Variants in DELE1 observed in about 807,000 individuals in gnomAD.
DELE1 encodes the protein death ligand signal enhancer.
Under a neutral mutation model 59.3 loss-of-function variants are expected in DELE1, and 54 were observed. The observed-to-expected ratio is 0.91, with a 90% CI of 0.73 to 1.14. The LOEUF is 1.14. DELE1 is among the 50% of genes most tolerant of loss of function. DELE1 has a pLI of 0.00. For missense variants in DELE1, 636 were observed against 643.9 expected (o/e 0.99, Z 0.13); for synonymous variants, 264 against 259.1 (o/e 1.02, Z -0.18).
In DELE1 at chr5:141,941,810, ATAAG is replaced by A. The variant is rs1275754749; in HGVS notation, c.*3053_*3056del. On this transcript the variant is annotated 3_prime_UTR_variant, in exon 12 of 12. Transcript: ENST00000432126. ...TGTTCAGTAAATATACATTCAACAA[ATAAG>A]TGAGTGATTATACTCAACTCCCCCC... 5.1e-6 allele frequency: 5 copies of A among 985,290 alleles called. No homozygotes were observed. The highest frequency in any genetic ancestry group is 6.0e-6 in the Non-Finnish European group (5 of 829,946). The allele number at this position is 985,290 out of a possible 1,614,324, so 61.0% of individuals were successfully genotyped here.
At chr5:141,929,384 G>A (rs1417870720) in intron 4 of DELE1, among the ~76,000 whole-genome samples, 198 bp from the exon 5 acceptor site, 1 of 152,146 alleles carries the variant, frequency 6.6e-6, no homozygotes, top group Non-Finnish European at 1.5e-5. Context: ...GAGTAGCTGG[G>A]ATTACAGGCA....
intron 3 of DELE1, among the ~76,000 whole-genome samples, chr5:141,927,876 A>G (rs1251044216): frequency 6.6e-6 from 1 of 152,226 alleles, no homozygotes; most frequent in African/African-American, 2.4e-5. Context: ...GTACTTGGGC[A>G]CCAGAGATAC....
At position 141,928,209 on chromosome 5, in the gene DELE1, T is replaced by C; in HGVS notation, c.323T>C (p.Leu108Pro). The C allele has an allele frequency of 1.2e-6, 2 of 1,614,256 alleles. No individual in the cohort carries two copies. The highest frequency in any genetic ancestry group is 1.7e-6 in the Non-Finnish European group (2 of 1,180,038). Residue 108 changes from leucine (L) to proline (P), a missense_variant, in exon 4 of 12, where the codon CTG becomes CCG. Leu to Pro is a moderately conservative substitution (Grantham distance 98). Transcript: ENST00000432126. ...AGGCAGATCCACTTCCAGGCATCCCTGCCAGCAGGACCTCAGCGGGTAGAA... is the reference window on the plus strand; with the variant it reads ...AGGCAGATCCACTTCCAGGCATCCCCGCCAGCAGGACCTCAGCGGGTAGAA... ...LARQIHFQAS[L>P]PAGPQRVEHC...
chr5:141,935,778 A>G (rs531147541), intron 10 of DELE1, among the ~76,000 whole-genome samples: 2 of 152,232 alleles, frequency 1.3e-5, no homozygotes, highest in South Asian at 4.1e-4. Flanking sequence ...AGCAGGAGAA[A>G]TGTACAAAAG....
chr5:141,929,780 C>CGGTGGT (rs1561512468), intron 5 of DELE1, 40 bp downstream of exon 5: 1 of 1,607,638 alleles, frequency 6.2e-7, no homozygotes, highest in South Asian at 1.1e-5. Context: ...AGGCAGGGGG[C>CGGTGGT]GGTGGTGGTG....
intron 10 of DELE1, chr5:141,936,829 C>T (rs994363096): frequency 1.0e-6 from 1 of 974,374 alleles, no homozygotes; most frequent in Admixed American, 6.2e-5. Context: ...GACAACCCTC[C>T]ACCTTCGCCT....
rs759141211 is a variant in DELE1 at position 141,937,214 on chromosome 5, A to G, written c.1166A>G (p.Tyr389Cys). 2.4e-5 allele frequency: 39 copies of G among 1,614,084 alleles called. No homozygotes were observed. The highest frequency in any genetic ancestry group is 3.2e-5 in the Non-Finnish European group (38 of 1,180,044). The change falls in exon 11 of 12, where the codon TAC (tyrosine) becomes TGC (cysteine). Residue 389 changes from tyrosine (Y) to cysteine (C), a missense_variant. Transcript: ENST00000432126. ...AANNGDSQSRYHLGICYEKGL... is the reference protein window; with the variant it reads ...AANNGDSQSRCHLGICYEKGL... ...TCTCCTTAGGACTCACAGAGCAGGT[A>G]CCACCTTGGAATTTGCTATGAGAAA...
At chr5:141,933,909 C>G (rs1752143813) in intron 8 of DELE1, 1 of 186,372 alleles carries the variant, frequency 5.4e-6, no homozygotes, top group African/African-American at 2.4e-5. Flanking sequence ...GTCTCTCTCT[C>G]TCTCTGCCCC....
rs978028994 is a variant in DELE1 at position 141,926,129 on chromosome 5, C to T, written c.264+602C>T. 5.3e-5 allele frequency among the ~76,000 whole-genome samples: 8 copies of T among 152,120 alleles called. No individual in the cohort carries two copies. The East Asian group carries it at 1.2e-3, about 22-fold the overall frequency. On this transcript the variant is annotated intron_variant, in intron 3 of 11. Coordinates refer to ENST00000432126, the MANE Select transcript of DELE1 (RefSeq NM_014773.5). Reference sequence around the variant, plus strand: ...TCCTGATCTCGTGACCCACCCACCGCGGCCTCCCAAAGTGCTGGGATTACA... The same window carrying T: ...TCCTGATCTCGTGACCCACCCACCGTGGCCTCCCAAAGTGCTGGGATTACA...
At chr5:141,927,169 G>A (rs1235301847) in intron 3 of DELE1, among the ~76,000 whole-genome samples, 1 of 152,204 alleles carries the variant, frequency 6.6e-6, no homozygotes, top group Non-Finnish European at 1.5e-5. Context: ...CAGAAATTAT[G>A]TCTGTCTTAC....
chr5:141,932,356 A>G (rs897149910), intron 7 of DELE1, among the ~76,000 whole-genome samples: 4 of 152,118 alleles, frequency 2.6e-5, no homozygotes, highest in African/African-American at 9.7e-5. Flanking sequence ...ACCGCTCCCA[A>G]TTTCTTCATG....
In DELE1 at chr5:141,923,966, G is replaced by C. The variant is rs547787553; in HGVS notation, c.25G>C (p.Gly9Arg). MWRLPGLL[G>R]RALPRTLGPS... The stretch of plus-strand genomic sequence containing the variant: ...CATGTGGCGCCTCCCGGGACTCCTG[G>C]GCCGAGGTAAGGGACGTCCAAGCAA... Residue 9 changes from glycine (G) to arginine (R), a missense_variant, in exon 1 of 12, where the codon GGC becomes CGC. Physicochemically the swap from Gly to Arg is moderately radical, Grantham distance 125. Transcript: ENST00000432126. 221 of 1,610,046 alleles carry C rather than the reference G, an allele frequency of 1.4e-4. 6 individuals are homozygous for C. The highest frequency in any genetic ancestry group is 1.3e-3 in the South Asian group (117 of 90,192).
Position 141,938,673 on chromosome 5 carries a change from G to A in DELE1, c.1462G>A (p.Gly488Arg), listed in dbSNP as rs776537398. Residue 488 changes from glycine (G) to arginine (R), a missense_variant, in exon 12 of 12, where the codon GGA (glycine) becomes AGA (arginine). Physicochemically the swap from Gly to Arg is moderately radical, Grantham distance 125 (BLOSUM62 -2). Transcript: ENST00000432126. ...LGLLCRSGHLGASLEASSRAI... is the reference protein window; with the variant it reads ...LGLLCRSGHLRASLEASSRAI... The stretch of plus-strand genomic sequence containing the variant: ...CCTCCTCTGCAGAAGTGGGCATCTC[G>A]GAGCCAGCCTGGAAGCCTCCAGCAG... 1.4e-5 allele frequency: 23 copies of A among 1,613,980 alleles called. No homozygotes were observed. The highest frequency in any genetic ancestry group is 1.3e-4 in the East Asian group (6 of 44,876).
intron 4 of DELE1, 78 bp downstream of exon 4, chr5:141,928,376 A>C: frequency 1.3e-6 from 2 of 1,483,486 alleles, no homozygotes; most frequent in Non-Finnish European, 1.8e-6. Flanking sequence ...GACACACCTC[A>C]GGAAAAGAGC....
At chr5:141,929,054 T>C (rs1438243760) in intron 4 of DELE1, among the ~76,000 whole-genome samples, 1 of 152,166 alleles carries the variant, frequency 6.6e-6, no homozygotes, top group African/African-American at 2.4e-5. Flanking sequence ...AGAGGAGTGA[T>C]TGATGCTTAG....
rs1403907329 is a variant in DELE1, at chr5:141,940,448, A to G, written c.*1689A>G. 9.1e-6 allele frequency: 9 copies of G among 984,642 alleles called. No individual in the cohort carries two copies. The highest frequency in any genetic ancestry group is 1.1e-5 in the Non-Finnish European group (9 of 829,852). 61.0% of individuals were successfully genotyped at this position (984,642 alleles called of 1,614,324 possible). ...ATAGAGAGCCCACCGCCCACCCCCCACAATCCCATGACTGAGTGGAGACCA... is the reference window on the plus strand; with the variant it reads ...ATAGAGAGCCCACCGCCCACCCCCCGCAATCCCATGACTGAGTGGAGACCA... On this transcript the variant is annotated 3_prime_UTR_variant, in exon 12 of 12. Transcript: ENST00000432126.
Position 141,940,441 on chromosome 5 carries a change from ACCCC to A in DELE1, c.*1685_*1688del, listed in dbSNP as rs1554078705. ...GGGAGGGATAGAGAGCCCACCGCCCACCCCCCACAATCCCATGACTGAGTGGAGA... is the reference window on the plus strand; with the variant it reads ...GGGAGGGATAGAGAGCCCACCGCCCACCACAATCCCATGACTGAGTGGAGA... On this transcript the variant is annotated 3_prime_UTR_variant, in exon 12 of 12. Coordinates refer to ENST00000432126, the MANE Select transcript of DELE1 (RefSeq NM_014773.5). The A allele has an allele frequency of 2.8e-5, 27 of 973,154 alleles. No individual in the cohort carries two copies. The South Asian group carries it at 1.0e-3, about 38-fold the overall frequency. 60.3% of individuals were successfully genotyped at this position (973,154 alleles called of 1,614,324 possible). A position where few individuals can be genotyped will look rare whatever the true frequency, so the allele number is the denominator to read the frequency against.
intron 7 of DELE1, chr5:141,931,411 G>A (rs10040879): frequency 0.071 from 10,741 of 152,056 alleles, 419 homozygotes; most frequent in South Asian, 0.14. Flanking sequence ...AGTGAGACAG[G>A]AAGTCTTTGG....
rs894845194 is a variant in DELE1, at chr5:141,936,790, G to C, written c.1150-408G>C. 7.7e-6 allele frequency: 6 copies of C among 780,840 alleles called. No homozygotes were observed. The Admixed American group carries it at 2.5e-4, about 33-fold the overall frequency. The allele number at this position is 780,840 out of a possible 1,614,324, so 48.4% of individuals were successfully genotyped here. A position where few individuals can be genotyped will look rare whatever the true frequency, so the allele number is the denominator to read the frequency against. On this transcript the variant is annotated intron_variant, in intron 10 of 11. Coordinates refer to ENST00000432126, the MANE Select transcript of DELE1 (RefSeq NM_014773.5). ...TTTTCTGTCAGCCCTCCCAGGCAGA[G>C]ATTCAGGAAGGCACAGGGCCTTTGG...
Sources: allele counts gnomAD v4.1 joint callset (sites outside exome capture counted in the v4.1 genomes callset), GRCh38; gene constraint gnomAD v4.1.1; transcripts MANE v1.5; gene names NCBI Gene and HGNC (gene_info 2026-07-23, HGNC 2026-07-21).